The following PCDHA10 variants were observed in gnomAD, a reference collection of about 807,000 sequenced individuals.
The protein encoded by PCDHA10 is protocadherin alpha-10.
Under a neutral mutation model 61.2 loss-of-function variants are expected in PCDHA10, and 45 were observed. The observed-to-expected ratio is 0.74, with a 90% confidence interval of 0.58 to 0.94. The LOEUF is 0.94. Ranked by LOEUF, PCDHA10 falls within the 40% of genes least tolerant of loss-of-function variation. The pLI, the probability that PCDHA10 is intolerant of heterozygous loss-of-function variation, is 0.00. For missense variants in PCDHA10, 1,278 were observed against 1,236.2 expected (o/e 1.03, Z -0.51); for synonymous variants, 602 against 548.8 (o/e 1.10, Z -1.35).
chr5:140,924,036 C>A (rs2081633869), intron 1 of PCDHA10, among the ~76,000 whole-genome samples: 1 of 152,162 alleles, frequency 6.6e-6, no homozygotes, highest in African/African-American at 2.4e-5. Context: ...TGGCTGCAGA[C>A]CTAAAAGTTC....
chr5:140,969,046 C>A, intron 1 of PCDHA10: 5 of 1,614,074 alleles, frequency 3.1e-6, no homozygotes, highest in Non-Finnish European at 4.2e-6. Flanking sequence ...ACAAACAAGC[C>A]AACAACAATA....
intron 3 of PCDHA10, among the ~76,000 whole-genome samples, chr5:140,990,932 G>A (rs1161440839): frequency 6.6e-6 from 1 of 152,154 alleles, no homozygotes; most frequent in African/African-American, 2.4e-5. Flanking sequence ...ATCCCATACT[G>A]TTGCCTCCTG....
intron 1 of PCDHA10, among the ~76,000 whole-genome samples, chr5:140,912,282 C>A (rs1211433751): frequency 6.6e-6 from 1 of 151,982 alleles, no homozygotes; most frequent in African/African-American, 2.4e-5. Flanking sequence ...TACCCAGGAA[C>A]AATACTTTGC....
At chr5:140,967,972 G>A (rs781888174) in intron 1 of PCDHA10, 88 of 1,614,072 alleles carry the variant, frequency 5.5e-5, no homozygotes, top group Non-Finnish European at 7.3e-5. Flanking sequence ...AAGTGAGCCT[G>A]GGTCTGGAGG....
chr5:140,877,350 G>A (rs376513441), intron 1 of PCDHA10: 2 of 1,613,896 alleles, frequency 1.2e-6, no homozygotes, highest in African/African-American at 1.3e-5. Flanking sequence ...ACGTGGGGCT[G>A]TACACTGGCG....
At chr5:140,871,250 T>G (rs1412384009) in intron 1 of PCDHA10, 3 of 1,613,976 alleles carry the variant, frequency 1.9e-6, no homozygotes, top group Non-Finnish European at 2.5e-6. Context: ...ACGCTGCTGC[T>G]GTATACGGCG....
At chr5:140,953,903 C>T (rs755692840) in intron 1 of PCDHA10, among the ~76,000 whole-genome samples, 1 of 152,120 alleles carries the variant, frequency 6.6e-6, no homozygotes, top group Non-Finnish European at 1.5e-5. Context: ...TTAAGCCCAG[C>T]ATCCATTAGG....
rs60872775 is a variant in PCDHA10 at position 140,857,509 on chromosome 5, C to G, written c.1461C>G (p.Ala487=). 2,646 of 1,598,160 alleles carry G rather than the reference C, an allele frequency of 1.7e-3. 197 individuals carry two copies. In the African/African-American group the frequency reaches 0.032, roughly 19 times the overall value. ...GGGACGCGGACGCGCAGGAGAACGCCCTGGTGTCCTACTCTCTGGTGGAGC... is the reference window on the plus strand; with the variant it reads ...GGGACGCGGACGCGCAGGAGAACGCGCTGGTGTCCTACTCTCTGGTGGAGC... ...SAWDADAQEN[A]LVSYSLVERR... The change falls in exon 1 of 4, where the codon GCC becomes GCG. Residue 487 remains alanine (A), a synonymous_variant. Transcript: ENST00000307360.
Position 140,857,427 on chromosome 5 carries a change from C to A in PCDHA10, c.1379C>A (p.Thr460Lys), listed in dbSNP as rs781871079. 21 of 1,598,334 alleles carry A rather than the reference C, an allele frequency of 1.3e-5. 1 individual carries two copies. The highest frequency in any genetic ancestry group is 4.4e-5 in the South Asian group (4 of 90,554). The change falls in exon 1 of 4, where the codon ACG (threonine) becomes AAG (lysine). Residue 460 changes from threonine to lysine, a missense_variant. By Grantham distance (78) the Thr-to-Lys change is moderately conservative. Transcript: ENST00000307360. ...NAPAFAQSEY[T>K]VFVKENNPPG... ...CCTGCGTTCGCGCAGTCCGAGTACACGGTGTTCGTGAAGGAGAACAACCCG... is the reference window on the plus strand; with the variant it reads ...CCTGCGTTCGCGCAGTCCGAGTACAAGGTGTTCGTGAAGGAGAACAACCCG...
intron 1 of PCDHA10, among the ~76,000 whole-genome samples, chr5:140,890,087 A>G (rs1284769572): frequency 6.6e-6 from 1 of 152,170 alleles, no homozygotes; most frequent in African/African-American, 2.4e-5. Context: ...TGATAATGCA[A>G]ATTTATTCCC....
At chr5:140,945,200 A>G (rs2093757745) in intron 1 of PCDHA10, among the ~76,000 whole-genome samples, 1 of 152,168 alleles carries the variant, frequency 6.6e-6, no homozygotes, top group South Asian at 2.1e-4. Context: ...GCTATTTACA[A>G]TAGCTATGAG....
chr5:140,918,899 C>G (rs2078917474), intron 1 of PCDHA10, among the ~76,000 whole-genome samples: 1 of 152,206 alleles, frequency 6.6e-6, no homozygotes, highest in African/African-American at 2.4e-5. Context: ...AAATAAATCT[C>G]TCTTGTTTAT....
intron 2 of PCDHA10, among the ~76,000 whole-genome samples, chr5:140,979,721 C>T (rs2153819868): frequency 6.6e-6 from 1 of 152,290 alleles, no homozygotes; most frequent in East Asian, 1.9e-4. Context: ...GTATCCATGC[C>T]ATGGGGCCAA....
At chr5:140,999,280 T>C (rs782502393) in intron 3 of PCDHA10, among the ~76,000 whole-genome samples, 2 of 152,228 alleles carry the variant, frequency 1.3e-5, no homozygotes, top group Non-Finnish European at 2.9e-5. Context: ...ATAGTAGTAA[T>C]ACCCATTCTT....
chr5:140,861,023 C>T (rs1192782331), intron 1 of PCDHA10: 1 of 152,246 alleles, frequency 6.6e-6, no homozygotes, highest in Non-Finnish European at 1.5e-5. Context: ...GCCACCGCAC[C>T]CGGCCGAAAG....
At chr5:140,978,856 A>G (rs2096826512) in intron 1 of PCDHA10, 93 bp from the exon 2 acceptor site, 1 of 1,589,052 alleles carries the variant, frequency 6.3e-7, no homozygotes, top group Non-Finnish European at 8.6e-7. Flanking sequence ...AGATGCCTGG[A>G]AATATTTAAG....
At position 140,859,297 on chromosome 5, in the gene PCDHA10, G is replaced by A. The variant is rs918204885; in HGVS notation, c.2388+861G>A. 281 of 128,994 alleles carry A rather than the reference G, an allele frequency of 2.2e-3. 12 individuals are homozygous for A. The highest frequency in any genetic ancestry group is 7.5e-3 in the African/African-American group (274 of 36,598). The allele number at this position is 128,994 out of a possible 1,614,324, so 8.0% of individuals were successfully genotyped here. A position where few individuals can be genotyped will look rare whatever the true frequency, so the allele number is the denominator to read the frequency against. On this transcript the variant is annotated intron_variant, in intron 1 of 3. Coordinates refer to ENST00000307360, the MANE Select transcript of PCDHA10 (RefSeq NM_018901.4). Reference sequence around the variant, plus strand: ...TACTTTTGAGACTGAAAATACTTTAGTATGAATTAATATTAAAAGTTTGAG... The same window carrying A: ...TACTTTTGAGACTGAAAATACTTTAATATGAATTAATATTAAAAGTTTGAG...
Position 140,857,747 on chromosome 5 carries a change from T to A in PCDHA10, c.1699T>A (p.Ser567Thr). Residue 567 changes from serine (S) to threonine (T), a missense_variant, in exon 1 of 4, where the codon TCT becomes ACT. By Grantham distance (58) the Ser-to-Thr change is moderately conservative. Transcript: ENST00000307360. ...CGACAACGCTCCCGCGCTGCTGGCG[T>A]CTCCCGCTGGCAGCGCGGGCGGTGC... The part of the protein sequence containing the change: ...ENDNAPALLA[S>T]PAGSAGGAVS... The A allele has an allele frequency of 6.3e-7, 1 of 1,597,058 alleles. No homozygotes were observed. Among genetic ancestry groups the A allele is most frequent in the Non-Finnish European group, 8.6e-7 (1 of 1,167,526 alleles).
intron 1 of PCDHA10, chr5:140,877,199 C>T (rs1345698735): frequency 8.7e-6 from 14 of 1,613,698 alleles, no homozygotes; most frequent in Non-Finnish European, 1.2e-5. Flanking sequence ...GCAGGAGGCG[C>T]AGTTAGCGAG....
Sources: allele counts gnomAD v4.1 joint callset (sites outside exome capture counted in the v4.1 genomes callset), GRCh38; gene constraint gnomAD v4.1.1; transcripts MANE v1.5; gene names NCBI Gene and HGNC (gene_info 2026-07-23, HGNC 2026-07-21).